Variants in MVK observed in about 807,000 individuals in gnomAD.
The protein encoded by MVK is LH receptor mRNA-binding protein.
MVK carries 34 observed loss-of-function variants against 43.2 expected under a neutral mutation model. The observed-to-expected ratio is 0.79, with a 90% CI of 0.60 to 1.05. The LOEUF (loss-of-function observed/expected upper bound fraction) is 1.05. Among genes scored for constraint, MVK ranks in the 50% least tolerant of loss-of-function variants. The pLI is 0.00. For synonymous variants in MVK, 190 were observed against 219.8 expected (o/e 0.86, Z 1.20); for missense variants, 395 against 504.0 (o/e 0.78, Z 2.07).
chr12:109,580,650 C>T (rs1329882525), intron 4 of MVK, among the ~76,000 whole-genome samples: 1 of 152,050 alleles, frequency 6.6e-6, no homozygotes, highest in South Asian at 2.1e-4. Context: ...GGGGTGGGTA[C>T]GTGGAATTTG....
rs11067394 is a variant in MVK, at chr12:109,595,550, T to C, written c.1039+369T>C. Among the ~76,000 whole-genome samples, 27,618 of 152,126 alleles carry C rather than the reference T, an allele frequency of 0.18. 2,734 individuals carry two copies. Among genetic ancestry groups the C allele is most frequent in the Middle Eastern group, 0.26 (76 of 294 alleles). On this transcript the variant is annotated intron_variant, in intron 10 of 10. Coordinates refer to ENST00000228510, the MANE Select transcript of MVK (RefSeq NM_000431.4). The surrounding 1 kb of genome is among the most constrained non-coding windows in gnomAD (Gnocchi z 5.9). ...ACTTGTACCCTTGATGTGGTCAGGA[T>C]GCGGTTGATTTTGCTACAAAACGAA... is the stretch of plus-strand genomic sequence containing the variant.
At chr12:109,590,710 G>GT in intron 7 of MVK, 61 bp from the exon 8 acceptor site, 1 of 1,527,628 alleles carries the variant, frequency 6.5e-7, no homozygotes, top group Admixed American at 1.7e-5. Flanking sequence ...ACTGCTCCCA[G>GT]TCCTGTCCCA....
chr12:109,591,320 G>C lies in MVK; in HGVS notation c.848G>C (p.Gly283Ala), dbSNP rs529327786. 3.1e-6 allele frequency: 5 copies of C among 1,614,220 alleles called. No homozygotes were observed. The African/African-American group carries it at 6.7e-5, about 22-fold the overall frequency. Residue 283 changes from glycine to alanine, a missense_variant, in exon 9 of 11, where the codon GGG becomes GCG. Gly to Ala is a moderately conservative substitution (Grantham distance 60). Transcript: ENST00000228510. ...LECERVLGEM[G>A]EAPAPEQYLV... ...TGTGAGCGCGTGCTGGGAGAGATGG[G>C]GGAAGCCCCAGCCCCGGAGCAGTAC...
chr12:109,579,127 TA>T, intron 3 of MVK: 1 of 398,414 alleles, frequency 2.5e-6, no homozygotes, highest in South Asian at 1.9e-5. Flanking sequence ...GTGTTTGTTT[TA>T]AGACTACAAT....
chr12:109,587,461 C>T (rs1885488485), intron 7 of MVK, among the ~76,000 whole-genome samples: 1 of 152,168 alleles, frequency 6.6e-6, no homozygotes, highest in Admixed American at 6.5e-5. Context: ...TGTTTGCACC[C>T]ACGGCAGAAT....
At chr12:109,593,881 C>T (rs1282799553) in intron 9 of MVK, among the ~76,000 whole-genome samples, 2 of 151,700 alleles carry the variant, frequency 1.3e-5, no homozygotes, top group Non-Finnish European at 1.5e-5. Flanking sequence ...ACATACGTGG[C>T]TGATTTTTGT....
intron 4 of MVK, among the ~76,000 whole-genome samples, chr12:109,581,104 G>A (rs556350509): frequency 1.8e-4 from 28 of 152,326 alleles, no homozygotes; most frequent in African/African-American, 5.8e-4. Flanking sequence ...CTAGCATGTG[G>A]GCACAGGAAG....
intron 6 of MVK, 38 bp downstream of exon 6, chr12:109,586,163 T>G (rs1373130616): frequency 6.7e-7 from 1 of 1,495,960 alleles, no homozygotes; most frequent in Non-Finnish European, 9.3e-7. Flanking sequence ...TGTTGTTATT[T>G]TAAAAATTCT....
upstream of MVK, chr12:109,573,671 C>T: frequency 2.8e-6 from 2 of 708,224 alleles, no homozygotes; most frequent in Non-Finnish European, 4.9e-6. Flanking sequence ...CGGGAAAACC[C>T]GTGTCGGCTT....
Position 109,579,827 on chromosome 12 carries a change from C to A in MVK, c.252C>A (p.Thr84=), listed in dbSNP as rs1885131476. The A allele has an allele frequency of 1.9e-6, 3 of 1,614,252 alleles. No homozygotes were observed. The African/African-American group carries it at 4.0e-5, about 22-fold the overall frequency. ...FLEQGDVTTP[T]SEQVEKLKEV... Reference sequence around the variant, plus strand: ...AGCAAGGTGATGTCACAACACCCACCTCAGAGCAAGTGGAGAAGCTAAAGG... The same window carrying A: ...AGCAAGGTGATGTCACAACACCCACATCAGAGCAAGTGGAGAAGCTAAAGG... The change falls in exon 4 of 11, where the codon ACC becomes ACA. Residue 84 remains threonine, a synonymous_variant. Coordinates refer to ENST00000228510, the MANE Select transcript of MVK (RefSeq NM_000431.4).
intron 5 of MVK, among the ~76,000 whole-genome samples, chr12:109,582,515 G>A (rs1394557525): frequency 6.6e-6 from 1 of 152,074 alleles, no homozygotes; most frequent in African/African-American, 2.4e-5. Flanking sequence ...TTGCATGTGT[G>A]TGTGTTCTTA....
chr12:109,577,182 A>G (rs1489788407), intron 3 of MVK, among the ~76,000 whole-genome samples: 1 of 152,210 alleles, frequency 6.6e-6, no homozygotes, highest in Non-Finnish European at 1.5e-5. Context: ...TTTTGACAGC[A>G]CTGTGAAGAT....
intron 5 of MVK, among the ~76,000 whole-genome samples, chr12:109,582,963 C>CG (rs948646688): frequency 1.1e-4 from 16 of 152,316 alleles, no homozygotes; most frequent in African/African-American, 3.6e-4. Flanking sequence ...ACCACCACCC[C>CG]GCCCCAGCCC....
chr12:109,582,554 C>T (rs1885262118), intron 5 of MVK, among the ~76,000 whole-genome samples: 1 of 151,942 alleles, frequency 6.6e-6, no homozygotes, highest in African/African-American at 2.4e-5. Flanking sequence ...CTCCCACCTT[C>T]CCCTGAAGGC....
chr12:109,573,487 G>T (rs375376922), upstream of MVK: 4 of 1,599,160 alleles, frequency 2.5e-6, no homozygotes, highest in African/African-American at 4.0e-5. Flanking sequence ...CCATGAGCCA[G>T]GCTGCTTGAC....
chr12:109,574,463 A>G (rs772618732), intron 1 of MVK, among the ~76,000 whole-genome samples: 1 of 152,214 alleles, frequency 6.6e-6, no homozygotes, highest in Non-Finnish European at 1.5e-5. Context: ...TAGGTGCCAG[A>G]CACCGCCAAG....
At position 109,576,024 on chromosome 12, in the gene MVK, G is replaced by A. The variant is rs1480952503; in HGVS notation, c.105G>A (p.Leu35=). ...TAGCACTGGCTGTATCCTTGAACTT[G>A]AGAACATTCCTCCGGCTTCAACCCC... The part of the protein sequence containing the change: ...GKVALAVSLN[L]RTFLRLQPHS... The change falls in exon 3 of 11, where the codon TTG becomes TTA. Residue 35 remains leucine, a synonymous_variant. Coordinates refer to ENST00000228510, the MANE Select transcript of MVK (RefSeq NM_000431.4). The A allele has an allele frequency of 3.1e-6, 5 of 1,614,188 alleles. No homozygotes were observed. The highest frequency in any genetic ancestry group is 1.7e-5 in the Admixed American group (1 of 60,022).
chr12:109,590,893 A>G (rs1885642139), intron 8 of MVK, 32 bp downstream of exon 8: 1 of 1,599,254 alleles, frequency 6.3e-7, no homozygotes, highest in Non-Finnish European at 8.6e-7. Context: ...GGCAGGTTTC[A>G]GGAAGGCCAG....
chr12:109,576,173 T>C, intron 3 of MVK, 28 bp downstream of exon 3: 1 of 1,613,800 alleles, frequency 6.2e-7, no homozygotes, highest in Non-Finnish European at 8.5e-7. Flanking sequence ...AAACCAGGTG[T>C]GCTAAGAGCC....
Sources: gnomAD v4.1 joint callset for allele counts (sites outside exome capture counted in the v4.1 genomes callset) on GRCh38, gnomAD v4.1.1 for gene constraint, Gnocchi (gnomAD v3.1) non-coding constraint, MANE v1.5 for transcripts, NCBI Gene and HGNC (gene_info 2026-07-23, HGNC 2026-07-21) for gene names.